The following SLC22A9 variants were observed in gnomAD, a reference collection of about 807,000 sequenced individuals.
SLC22A9 encodes the protein solute carrier family 22 member 9.
In SLC22A9, 64 loss-of-function variants were observed where a neutral mutation model predicts 50.1. The ratio of observed to expected loss-of-function variants is 1.28; its 90% CI spans 1.04 to 1.57. SLC22A9 has a LOEUF of 1.57. Among genes scored for constraint, SLC22A9 ranks in the 40% most tolerant of loss-of-function variants. The pLI, the probability that SLC22A9 is intolerant of heterozygous loss-of-function variation, is 0.00. For synonymous variants in SLC22A9, 261 were observed against 242.5 expected (o/e 1.08, Z -0.71); for missense variants, 757 against 676.1 (o/e 1.12, Z -1.33).
chr11:63,379,843 T>A (rs2014529105), intron 5 of SLC22A9, among the ~76,000 whole-genome samples: 1 of 152,194 alleles, frequency 6.6e-6, no homozygotes, highest in Non-Finnish European at 1.5e-5. Context: ...GCGATTCTCC[T>A]GCCTCAGCCT....
At position 63,376,695 on chromosome 11, in the gene SLC22A9, C is replaced by T. The variant is rs537582860; in HGVS notation, c.954+927C>T. 1.3e-3 allele frequency among the ~76,000 whole-genome samples: 205 copies of T among 151,880 alleles called. 1 individual carries two copies. Among genetic ancestry groups the T allele is most frequent in the African/African-American group, 4.8e-3 (201 of 41,466 alleles). ...GGATTAAGAGCAAGCCTCTTAATAT[C>T]CTTACATATTAATATTAACCTTAAA... On this transcript the variant is annotated intron_variant, in intron 5 of 9. Coordinates refer to ENST00000279178, the MANE Select transcript of SLC22A9 (RefSeq NM_080866.3).
intron 7 of SLC22A9, among the ~76,000 whole-genome samples, chr11:63,407,381 T>G (rs1337006549): frequency 6.6e-6 from 1 of 152,144 alleles, no homozygotes; most frequent in Non-Finnish European, 1.5e-5. Flanking sequence ...TAACTCTTAG[T>G]GTAGTAATGT....
At chr11:63,400,671 A>G (rs1188380422) in intron 6 of SLC22A9, among the ~76,000 whole-genome samples, 7 of 152,276 alleles carry the variant, frequency 4.6e-5, no homozygotes, top group African/African-American at 1.7e-4. Context: ...TCACAAGGCC[A>G]GCATTACCCT....
intron 6 of SLC22A9, among the ~76,000 whole-genome samples, chr11:63,383,078 T>G (rs2014594750): frequency 6.6e-6 from 1 of 152,152 alleles, no homozygotes; most frequent in Non-Finnish European, 1.5e-5. Context: ...GGAACTTGCA[T>G]ATTTGGATGT....
intron 6 of SLC22A9, among the ~76,000 whole-genome samples, chr11:63,405,648 A>G (rs1802008489): frequency 2.0e-5 from 3 of 152,158 alleles, no homozygotes; most frequent in Non-Finnish European, 4.4e-5. Context: ...TAAGTTGTAC[A>G]TTTTAGTGAC....
At chr11:63,383,899 A>C (rs1295370070) in intron 6 of SLC22A9, among the ~76,000 whole-genome samples, 1 of 152,084 alleles carries the variant, frequency 6.6e-6, no homozygotes, top group African/African-American at 2.4e-5. Flanking sequence ...AAATACAAAA[A>C]TTAGTTGGGC....
Position 63,369,940 on chromosome 11 carries a change from T to A in SLC22A9, c.-117T>A. The A allele has an allele frequency of 9.9e-7, 1 of 1,005,414 alleles. No individual in the cohort carries two copies. The highest frequency in any genetic ancestry group is 1.7e-5 in the South Asian group (1 of 57,230). The allele number at this position is 1,005,414 out of a possible 1,614,324, so 62.3% of individuals were successfully genotyped here. ...GGAAGCACAGTCGTCAAGAAGAGAG[T>A]GGGGTCAGGATCAAAACACATTTAG... On this transcript the variant is annotated 5_prime_UTR_variant, in exon 1 of 10. Coordinates refer to ENST00000279178, the MANE Select transcript of SLC22A9 (RefSeq NM_080866.3).
chr11:63,403,585 C>T (rs993197485), intron 6 of SLC22A9, among the ~76,000 whole-genome samples: 1 of 151,832 alleles, frequency 6.6e-6, no homozygotes, highest in Non-Finnish European at 1.5e-5. Context: ...TTATACTCAA[C>T]AATAAAAAAC....
chr11:63,406,444 G>T, intron 6 of SLC22A9, 53 bp from the exon 7 acceptor site: 1 of 1,503,488 alleles, frequency 6.7e-7, no homozygotes, highest in Admixed American at 1.7e-5. Context: ...CTCATTTGTA[G>T]GATGTAGGCT....
intron 6 of SLC22A9, among the ~76,000 whole-genome samples, chr11:63,404,202 C>T (rs2014999087): frequency 6.6e-6 from 1 of 151,664 alleles, no homozygotes; most frequent in Admixed American, 6.6e-5. Context: ...ATGTATGAAC[C>T]TTGGGCTAGC....
intron 6 of SLC22A9, among the ~76,000 whole-genome samples, chr11:63,386,831 T>TTTTTTTGTTTTGTTTTG (rs555487414): frequency 1.3e-5 from 2 of 151,604 alleles, no homozygotes; most frequent in Non-Finnish European, 2.9e-5. Flanking sequence ...GATGATTTTG[T>TTTTTTTGTTTTGTTTTG]TTTTTTGTTT....
intron 6 of SLC22A9, among the ~76,000 whole-genome samples, chr11:63,406,251 A>G (rs1291644703): frequency 6.6e-6 from 1 of 152,214 alleles, no homozygotes; most frequent in Non-Finnish European, 1.5e-5. Context: ...CTCTTTCTGA[A>G]CATATTTAAG....
intron 6 of SLC22A9, among the ~76,000 whole-genome samples, chr11:63,395,227 T>C (rs937258273): frequency 5.3e-5 from 8 of 152,218 alleles, no homozygotes; most frequent in African/African-American, 1.9e-4. Flanking sequence ...ACCTCTTGAA[T>C]TCTTTTTCAG....
intron 6 of SLC22A9, among the ~76,000 whole-genome samples, chr11:63,385,618 G>T (rs1449728830): frequency 6.6e-6 from 1 of 152,052 alleles, no homozygotes; most frequent in African/African-American, 2.4e-5. Flanking sequence ...GTATAGAAAT[G>T]CTTGTGATTT....
intron 7 of SLC22A9, 40 bp from the exon 8 acceptor site, chr11:63,408,072 G>C: frequency 6.5e-7 from 1 of 1,536,080 alleles, no homozygotes; most frequent in South Asian, 1.1e-5. Flanking sequence ...GATTCCTTCA[G>C]CTCAGATTTC....
At chr11:63,382,316 T>C (rs2014580097) in intron 6 of SLC22A9, 39 bp downstream of exon 6, 1 of 1,428,896 alleles carries the variant, frequency 7.0e-7, no homozygotes, top group Non-Finnish European at 9.6e-7. Flanking sequence ...GTTACAGTAC[T>C]GGAGACATGA....
At chr11:63,408,587 T>C in intron 8 of SLC22A9, 89 bp from the exon 9 acceptor site, 1 of 1,172,656 alleles carries the variant, frequency 8.5e-7, no homozygotes, top group Middle Eastern at 2.1e-4. Context: ...TGTCTAAATG[T>C]TCCCCCATAA....
chr11:63,376,885 G>A (rs934327831), intron 5 of SLC22A9, among the ~76,000 whole-genome samples: 2 of 151,868 alleles, frequency 1.3e-5, no homozygotes, highest in African/African-American at 2.4e-5. Context: ...AACAAAAAAA[G>A]AGCAAGGGAT....
chr11:63,384,008 C>T lies in SLC22A9; in HGVS notation c.1073+1731C>T, dbSNP rs2014614598. Among the ~76,000 whole-genome samples the T allele has an allele frequency of 3.3e-5, 5 of 150,542 alleles. No homozygotes were observed. In the South Asian group the frequency reaches 1.0e-3, roughly 31 times the overall value. ...AGATTGCAGTGAGCTGAGATCGTGC[C>T]ACTGCACTCCAGCCTGGTGACAGAG... On this transcript the variant is annotated intron_variant, in intron 6 of 9. Coordinates refer to ENST00000279178, the MANE Select transcript of SLC22A9 (RefSeq NM_080866.3).
Sources: allele counts gnomAD v4.1 joint callset (sites outside exome capture counted in the v4.1 genomes callset), GRCh38; gene constraint gnomAD v4.1.1; transcripts MANE v1.5; gene names NCBI Gene and HGNC (gene_info 2026-07-23, HGNC 2026-07-21).